Variants in PARP10 observed in about 807,000 individuals in gnomAD.
PARP10 encodes the protein protein mono-ADP-ribosyltransferase PARP10.
Under a neutral mutation model 82.4 loss-of-function variants are expected in PARP10, and 56 were observed. That is an observed-to-expected ratio of 0.68 (90% confidence interval 0.55 to 0.85). The LOEUF is 0.85. Among genes scored for constraint, PARP10 ranks in the 40% least tolerant of loss-of-function variants. PARP10 has a pLI of 0.00. For synonymous variants in PARP10, 576 were observed against 601.1 expected, an observed-to-expected ratio of 0.96 and a Z score of 0.61; for missense variants, 1,227 against 1,379.4, an observed-to-expected ratio of 0.89 and a Z score of 1.75.
rs11136343 is a variant in PARP10 at position 143,984,818 on chromosome 8, A to G, written c.1184T>C (p.Leu395Pro). 612,483 of 1,613,456 alleles carry G rather than the reference A, an allele frequency of 0.38. 120,490 individuals are homozygous for G. The highest frequency in any genetic ancestry group is 0.58 in the African/African-American group (43,453 of 74,854). The change falls in exon 5 of 11, where the codon CTG (leucine) becomes CCG (proline). Residue 395 changes from leucine to proline, a missense_variant. Transcript: ENST00000313028. The stretch of plus-strand genomic sequence containing the variant: ...AATTTCCACCAGGCCCTCCTGCCCC[A>G]GCAACCCCTTAGAGGTCTCCACTGG... ...AGPVETSKGL[L>P]GQEGLVEIAM...
chr8:143,983,485 C>T lies in PARP10; in HGVS notation c.2104G>A (p.Gly702Arg). Residue 702 changes from glycine to arginine, a missense_variant, in exon 8 of 11, where the codon GGG becomes AGG. Gly to Arg is a moderately radical substitution (Grantham distance 125). Coordinates refer to ENST00000313028, the MANE Select transcript of PARP10 (RefSeq NM_032789.5). Reference protein sequence around the residue: ...PLEAEEPPDGGTDGKAQLVVH... With the variant: ...PLEAEEPPDGRTDGKAQLVVH... ...ACCAGCTGGGCCTTGCCATCAGTCC[C>T]CCCATCTGGGGGCTCTTCTGCCTCC... The T allele has an allele frequency of 3.1e-6, 5 of 1,607,090 alleles. No homozygotes were observed. Among genetic ancestry groups the T allele is most frequent in the Non-Finnish European group, 4.2e-6 (5 of 1,178,152 alleles).
At chr8:144,003,874 A>T (rs1192240489) in intron 1 of PARP10, among the ~76,000 whole-genome samples, 1 of 151,942 alleles carries the variant, frequency 6.6e-6, no homozygotes, top group African/African-American at 2.4e-5. Flanking sequence ...AAAAAAAAAA[A>T]ATTTTTTTTA....
chr8:144,007,941 C>T (rs1388028626), intron 1 of PARP10, among the ~76,000 whole-genome samples: 5 of 152,170 alleles, frequency 3.3e-5, no homozygotes, highest in South Asian at 2.1e-4. Flanking sequence ...ATACAATAAG[C>T]GCTCAATAAT....
At chr8:143,980,193 G>A (rs1322749262) in intron 9 of PARP10, among the ~76,000 whole-genome samples, 1 of 150,632 alleles carries the variant, frequency 6.6e-6, no homozygotes, top group Non-Finnish European at 1.5e-5. Flanking sequence ...GGTGGCAGGC[G>A]CCTGTAGTCC....
intron 4 of PARP10, 39 bp downstream of exon 4, chr8:143,985,373 G>T (rs1554749035): frequency 6.3e-7 from 1 of 1,593,880 alleles, no homozygotes; most frequent in East Asian, 2.3e-5. Context: ...ATTTCTGCAG[G>T]AGAGGGACGG....
At chr8:143,990,154 C>T (rs1450339412), upstream of PARP10, 1 of 150,640 alleles carries the variant, frequency 6.6e-6, no homozygotes, top group Non-Finnish European at 1.5e-5. This position sits in a 1 kb window ranked among gnomAD's most constrained non-coding sequence, Gnocchi z 5.6. Context: ...ACCGCGCGGC[C>T]GCGCAGCGGA....
At chr8:143,998,795 C>T (rs1435923366) in intron 1 of PARP10, among the ~76,000 whole-genome samples, 1 of 151,948 alleles carries the variant, frequency 6.6e-6, no homozygotes, top group African/African-American at 2.4e-5. Flanking sequence ...ACAAAAAATA[C>T]AAAAATTAGC....
In PARP10 at chr8:144,011,526, T is replaced by G. The variant is rs890770856; in HGVS notation, c.-80+1004A>C. On this transcript the variant is annotated intron_variant, in intron 1 of 3. Coordinates refer to the PARP10 transcript ENST00000530478. This position sits in a 1 kb window ranked among gnomAD's most constrained non-coding sequence, Gnocchi z 4.5. ...ATCCTCTCCCTGCCCCAAAAAGAGG[T>G]TTGAGGGAGAACAGCCACAGAGCCA... Among the ~76,000 whole-genome samples, 1 of 151,734 alleles carries G rather than the reference T, an allele frequency of 6.6e-6. No individual in the cohort carries two copies. The highest frequency in any genetic ancestry group is 1.5e-5 in the Non-Finnish European group (1 of 67,898).
intron 1 of PARP10, chr8:144,012,454 C>G (rs1209318279): frequency 6.8e-7 from 1 of 1,466,018 alleles, no homozygotes; most frequent in Non-Finnish European, 9.3e-7. Flanking sequence ...GGCCTGGGGC[C>G]CTGGGCAGCC....
chr8:143,979,902 C>T (rs1490581725), intron 9 of PARP10, among the ~76,000 whole-genome samples: 2 of 150,370 alleles, frequency 1.3e-5, no homozygotes, highest in East Asian at 3.9e-4. Flanking sequence ...GTCACAGCTA[C>T]TCAGGAGGCT....
At chr8:144,012,758 G>A in exon 1 of PARP10, 1 of 1,548,562 alleles carries the variant, frequency 6.5e-7, no homozygotes, top group Non-Finnish European at 8.7e-7. Context: ...AGAGTGAGGA[G>A]GGAAGTGGGG....
chr8:143,990,164 A>C (rs1191865365), upstream of PARP10: 1 of 150,248 alleles, frequency 6.7e-6, no homozygotes, highest in Non-Finnish European at 1.5e-5. This position sits in a 1 kb window ranked among gnomAD's most constrained non-coding sequence, Gnocchi z 5.6. Context: ...CGCGCAGCGG[A>C]CACCGTGCGT....
At chr8:143,989,180 TG>T (rs1294251142), upstream of PARP10, among the ~76,000 whole-genome samples, 1 of 152,146 alleles carries the variant, frequency 6.6e-6, no homozygotes, top group South Asian at 2.1e-4. The surrounding 1 kb of genome is among the most constrained non-coding windows in gnomAD (Gnocchi z 4.3). Context: ...GGAGGGCAGG[TG>T]GGGTCTGGGC....
At chr8:144,000,109 T>C (rs1424188785) in intron 1 of PARP10, among the ~76,000 whole-genome samples, 3 of 152,222 alleles carry the variant, frequency 2.0e-5, no homozygotes, top group African/African-American at 7.2e-5. Context: ...CCAACCATTT[T>C]ACGAGCCCAG....
chr8:143,988,108 C>A (rs1176052917), upstream of PARP10, among the ~76,000 whole-genome samples: 1 of 148,666 alleles, frequency 6.7e-6, no homozygotes, highest in African/African-American at 2.5e-5. Context: ...TCCCCACAAA[C>A]CCCCATGGCC....
At chr8:143,987,780 A>G (rs781792874), upstream of PARP10, among the ~76,000 whole-genome samples, 26 of 152,050 alleles carry the variant, frequency 1.7e-4, no homozygotes, top group African/African-American at 5.8e-4. Context: ...AATCTCAGCT[A>G]CTCAGGAGGC....
Position 143,983,488 on chromosome 8 carries a change from C to T in PARP10, c.2101G>A (p.Gly701Arg), listed in dbSNP as rs200427491. ...PPLEAEEPPD[G>R]GTDGKAQLVV... ...AGCTGGGCCTTGCCATCAGTCCCCC[C>T]ATCTGGGGGCTCTTCTGCCTCCAAC... The change falls in exon 8 of 11, where the codon GGG becomes AGG. Residue 701 changes from glycine to arginine, a missense_variant. Transcript: ENST00000313028. 7 of 1,606,848 alleles carry T rather than the reference C, an allele frequency of 4.4e-6. No individual in the cohort carries two copies. Among genetic ancestry groups the T allele is most frequent in the Non-Finnish European group, 5.9e-6 (7 of 1,177,832 alleles).
rs782288058 is a variant in PARP10 at position 143,983,360 on chromosome 8, G to C, written c.2229C>G (p.Arg743=). 6.2e-7 allele frequency: 1 copy of C among 1,607,226 alleles called. No homozygotes were observed. Among genetic ancestry groups the C allele is most frequent in the Non-Finnish European group, 8.5e-7 (1 of 1,178,790 alleles). Residue 743 remains arginine, a synonymous_variant, in exon 8 of 11, where the codon CGC becomes CGG. Coordinates refer to ENST00000313028, the MANE Select transcript of PARP10 (RefSeq NM_032789.5). ...HVQEETVGPW[R]RTLPAELRAR... is the part of the protein sequence containing the mutation. ...CACGCAGCTCTGCAGGCAGTGTGCG[G>C]CGCCAGGGCCCCACCGTCTCCTCCT...
chr8:143,979,300 A>G (rs948634706), intron 9 of PARP10, among the ~76,000 whole-genome samples: 1 of 152,146 alleles, frequency 6.6e-6, no homozygotes, highest in African/African-American at 2.4e-5. Flanking sequence ...CACACACACA[A>G]CAAGGTCAAT....
Sources: allele counts gnomAD v4.1 joint callset (sites outside exome capture counted in the v4.1 genomes callset), GRCh38; gene constraint gnomAD v4.1.1; non-coding constraint Gnocchi (gnomAD v3.1); transcripts MANE v1.5; gene names NCBI Gene and HGNC (gene_info 2026-07-23, HGNC 2026-07-21).